Variants in TOP1 observed in about 807,000 individuals in gnomAD.
The protein encoded by TOP1 is DNA topoisomerase I.
A neutral mutation model predicts 111.1 loss-of-function variants in TOP1; 10 were observed. The ratio of observed to expected loss-of-function variants is 0.09; its 90% confidence interval spans 0.06 to 0.15. TOP1 has a LOEUF of 0.15. Ranked by LOEUF, TOP1 falls within the 10% of genes least tolerant of loss-of-function variation. TOP1 has a pLI of 1.00. For synonymous variants in TOP1, 271 were observed against 302.9 expected (o/e 0.89, Z 1.10); for missense variants, 474 against 926.7 (o/e 0.51, Z 6.34).
Position 41,097,378 on chromosome 20 carries a change from C to A in TOP1, c.852+37C>A. 6.4e-7 allele frequency: 1 copy of A among 1,554,734 alleles called. No individual in the cohort carries two copies. Among genetic ancestry groups the A allele is most frequent in the Non-Finnish European group, 8.7e-7 (1 of 1,151,922 alleles). ...CATGTGTTAATATCCTAGTACCTTG[C>A]AAAACAATCAAGTACTAAGTAATAA... On this transcript the variant is annotated intron_variant, in intron 10 of 20. Transcript: ENST00000361337. This position sits in a 1 kb window ranked among gnomAD's most constrained non-coding sequence, Gnocchi z 4.2.
In TOP1 at chr20:41,071,916, C is replaced by T. The variant is rs887123467; in HGVS notation, c.156-4255C>T. Among the ~76,000 whole-genome samples the T allele has an allele frequency of 1.3e-5, 2 of 152,126 alleles. No individual in the cohort carries two copies. The highest frequency in any genetic ancestry group is 4.8e-5 in the African/African-American group (2 of 41,404). ...TTCATATTTCATCCATAAGTGTGAC[C>T]ATTGCAGAAGTTCTAGGACTGCTAC... On this transcript the variant is annotated intron_variant, in intron 3 of 20. Transcript: ENST00000361337. This position sits in a 1 kb window ranked among gnomAD's most constrained non-coding sequence, Gnocchi z 4.3.
rs532840558 is a variant in TOP1 at position 41,118,935 on chromosome 20, A to G, written c.1950+639A>G. On this transcript the variant is annotated intron_variant, in intron 18 of 20. Coordinates refer to ENST00000361337, the MANE Select transcript of TOP1 (RefSeq NM_003286.4). The surrounding 1 kb of genome is among the most constrained non-coding windows in gnomAD (Gnocchi z 4.6). The stretch of plus-strand genomic sequence containing the variant: ...GTACTGAGCTTTTAAACCATAAGGC[A>G]CTTAACATTTGATGATGAACATTTT... 6.6e-5 allele frequency among the ~76,000 whole-genome samples: 10 copies of G among 152,348 alleles called. No individual in the cohort carries two copies. The highest frequency in any genetic ancestry group is 2.2e-4 in the African/African-American group (9 of 41,576).
In TOP1 at chr20:41,109,986, C is replaced by G. The variant is rs925439192; in HGVS notation, c.1309-2796C>G. ...TATGTATTCAACAACATGGATGAAT[C>G]TTAAAAACATGGTTAAGGGCCAGGT... On this transcript the variant is annotated intron_variant, in intron 13 of 20. Coordinates refer to ENST00000361337, the MANE Select transcript of TOP1 (RefSeq NM_003286.4). This position sits in a 1 kb window ranked among gnomAD's most constrained non-coding sequence, Gnocchi z 4.1. Among the ~76,000 whole-genome samples, 1 of 152,148 alleles carries G rather than the reference C, an allele frequency of 6.6e-6. No individual in the cohort carries two copies. Among genetic ancestry groups the G allele is most frequent in the Admixed American group, 6.5e-5 (1 of 15,270 alleles).
chr20:41,092,325 C>T lies in TOP1; in HGVS notation c.615-147C>T, dbSNP rs532196237. ...TTTTTCAAAATGAGAGACACTGGTT[C>T]TTTTGATCCAGGCCTTGAATGTGAG... On this transcript the variant is annotated intron_variant, in intron 8 of 20. Coordinates refer to ENST00000361337, the MANE Select transcript of TOP1 (RefSeq NM_003286.4). The surrounding 1 kb of genome is among the most constrained non-coding windows in gnomAD (Gnocchi z 4.3). The T allele has an allele frequency of 2.2e-5, 10 of 457,928 alleles. No homozygotes were observed. The East Asian group carries it at 3.0e-4, about 14-fold the overall frequency. 28.4% of individuals were successfully genotyped at this position (457,928 alleles called of 1,614,324 possible). A position where few individuals can be genotyped will look rare whatever the true frequency, so the allele number is the denominator to read the frequency against.
chr20:41,053,868 G>GT (rs1274685909), intron 2 of TOP1, among the ~76,000 whole-genome samples: 2 of 152,050 alleles, frequency 1.3e-5, no homozygotes, highest in Non-Finnish European at 2.9e-5. Flanking sequence ...ACCTTGGAGT[G>GT]TTTTTTCAGG....
intron 9 of TOP1, among the ~76,000 whole-genome samples, chr20:41,093,479 TCCC>T (rs1229123084): frequency 1.3e-5 from 2 of 151,758 alleles, no homozygotes; most frequent in African/African-American, 4.8e-5. Flanking sequence ...TTCCTGACAG[TCCC>T]CCTTCTCCTT....
rs182960032 is a variant in TOP1 at position 41,080,975 on chromosome 20, A to C, written c.432-190A>C. On this transcript the variant is annotated intron_variant, in intron 6 of 20. Coordinates refer to ENST00000361337, the MANE Select transcript of TOP1 (RefSeq NM_003286.4). This position sits in a 1 kb window ranked among gnomAD's most constrained non-coding sequence, Gnocchi z 5.0. ...GGTTTGTTTTGTTCTATATAGGGCT[A>C]TAACTATTACTCTTTGGTCTGACCT... 5.3e-5 allele frequency among the ~76,000 whole-genome samples: 8 copies of C among 151,972 alleles called. No homozygotes were observed.
rs2033809722 is a variant in TOP1, at chr20:41,083,213, A to G, written c.508-1249A>G. On this transcript the variant is annotated intron_variant, in intron 7 of 20. Coordinates refer to ENST00000361337, the MANE Select transcript of TOP1 (RefSeq NM_003286.4). This position sits in a 1 kb window ranked among gnomAD's most constrained non-coding sequence, Gnocchi z 7.2. ...TGCCTGCTCAGAAGCTGTTTAGAGT[A>G]TCTTCACTGAAAAACATTTCCCTTT... is the stretch of plus-strand genomic sequence containing the variant. Among the ~76,000 whole-genome samples the G allele has an allele frequency of 6.6e-6, 1 of 152,190 alleles. No individual in the cohort carries two copies. Among genetic ancestry groups the G allele is most frequent in the African/African-American group, 2.4e-5 (1 of 41,452 alleles).
At chr20:41,066,703 C>A (rs898842159) in intron 3 of TOP1, among the ~76,000 whole-genome samples, 1 of 151,356 alleles carries the variant, frequency 6.6e-6, no homozygotes, top group South Asian at 2.1e-4. Flanking sequence ...TACAGGTGCC[C>A]GCCACCATGC....
At chr20:41,065,168 G>A (rs1386221275) in intron 3 of TOP1, among the ~76,000 whole-genome samples, 1 of 152,164 alleles carries the variant, frequency 6.6e-6, no homozygotes, top group Admixed American at 6.5e-5. Context: ...GCCTCCCAAA[G>A]TGCTAGGATT....
chr20:41,055,555 GGC>G (rs2033460011), intron 2 of TOP1, among the ~76,000 whole-genome samples: 1 of 152,162 alleles, frequency 6.6e-6, no homozygotes, highest in Non-Finnish European at 1.5e-5. Context: ...ATATGGCTCA[GGC>G]TGGTCCATCA....
intron 2 of TOP1, among the ~76,000 whole-genome samples, chr20:41,053,331 C>G (rs2033429138): frequency 6.6e-6 from 1 of 152,150 alleles, no homozygotes; most frequent in Non-Finnish European, 1.5e-5. Flanking sequence ...CTAACTGCCA[C>G]TCTTGGATCC....
At position 41,101,499 on chromosome 20, in the gene TOP1, T is replaced by A; in HGVS notation, c.1308+146T>A. ...AGGCAAGTACTTTCATAGTTAGCAT[T>A]ATGGTGATCTTCCTACAGTGCCTCC... On this transcript the variant is annotated intron_variant, in intron 13 of 20. Coordinates refer to ENST00000361337, the MANE Select transcript of TOP1 (RefSeq NM_003286.4). The surrounding 1 kb of genome is among the most constrained non-coding windows in gnomAD (Gnocchi z 4.1). The A allele has an allele frequency of 1.2e-6, 1 of 859,826 alleles. No individual in the cohort carries two copies. The highest frequency in any genetic ancestry group is 1.7e-6 in the Non-Finnish European group (1 of 574,252). 53.3% of individuals were successfully genotyped at this position (859,826 alleles called of 1,614,324 possible).
rs2033670280 is a variant in TOP1 at position 41,071,624 on chromosome 20, C to G, written c.156-4547C>G. On this transcript the variant is annotated intron_variant, in intron 3 of 20. Transcript: ENST00000361337. This position sits in a 1 kb window ranked among gnomAD's most constrained non-coding sequence, Gnocchi z 4.3. ...CCTCCTGAAGTGCTAGGATTACAGGCATGAGCCACCACGCCCAGCCAGATT... is the reference window on the plus strand; with the variant it reads ...CCTCCTGAAGTGCTAGGATTACAGGGATGAGCCACCACGCCCAGCCAGATT... Among the ~76,000 whole-genome samples, 1 of 152,236 alleles carries G rather than the reference C, an allele frequency of 6.6e-6. No homozygotes were observed. The highest frequency in any genetic ancestry group is 1.5e-5 in the Non-Finnish European group (1 of 68,044).
chr20:41,103,764 T>G (rs2034101205), intron 13 of TOP1, among the ~76,000 whole-genome samples: 1 of 152,194 alleles, frequency 6.6e-6, no homozygotes, highest in African/African-American at 2.4e-5. Context: ...CTCTGGGATT[T>G]CAAAAGGCTA....
rs2034261570 is a variant in TOP1 at position 41,112,665 on chromosome 20, G to A, written c.1309-117G>A. 8.9e-7 allele frequency: 1 copy of A among 1,125,802 alleles called. No individual in the cohort carries two copies. Among genetic ancestry groups the A allele is most frequent in the African/African-American group, 1.5e-5 (1 of 64,566 alleles). The allele number at this position is 1,125,802 out of a possible 1,614,324, so 69.7% of individuals were successfully genotyped here. Reference sequence around the variant, plus strand: ...GCGTTCAAGCAATTCTTGTGTCTTAGCCTCCCTATTAGCTAGCTGGGATTA... The same window carrying A: ...GCGTTCAAGCAATTCTTGTGTCTTAACCTCCCTATTAGCTAGCTGGGATTA... On this transcript the variant is annotated intron_variant, in intron 13 of 20. Coordinates refer to ENST00000361337, the MANE Select transcript of TOP1 (RefSeq NM_003286.4). The surrounding 1 kb of genome is among the most constrained non-coding windows in gnomAD (Gnocchi z 5.8).
chr20:41,084,623 A>G, intron 8 of TOP1, 55 bp downstream of exon 8: 1 of 1,003,582 alleles, frequency 1.0e-6, no homozygotes, highest in Non-Finnish European at 1.5e-6. Flanking sequence ...TATCCTTACG[A>G]AGCAAGAGTA....
At chr20:41,054,921 T>C (rs1467281234) in intron 2 of TOP1, among the ~76,000 whole-genome samples, 3 of 152,204 alleles carry the variant, frequency 2.0e-5, no homozygotes, top group African/African-American at 7.2e-5. Context: ...AGAGACACTT[T>C]CCTTTTGTCT....
chr20:41,056,400 A>G (rs2033471411), intron 2 of TOP1, among the ~76,000 whole-genome samples: 2 of 152,344 alleles, frequency 1.3e-5, no homozygotes, highest in South Asian at 2.1e-4. Flanking sequence ...ATATAATACA[A>G]TATAATAGTC....
Sources: gnomAD v4.1 joint callset for allele counts (sites outside exome capture counted in the v4.1 genomes callset) on GRCh38, gnomAD v4.1.1 for gene constraint, Gnocchi (gnomAD v3.1) non-coding constraint, MANE v1.5 for transcripts, NCBI Gene and HGNC (gene_info 2026-07-23, HGNC 2026-07-21) for gene names.